Variants in OPRM1 observed in about 807,000 individuals in gnomAD.
OPRM1 encodes the protein mu-type opioid receptor.
Under a neutral mutation model 31.8 loss-of-function variants are expected in OPRM1, and 27 were observed. The ratio of observed to expected loss-of-function variants is 0.85; its 90% CI spans 0.63 to 1.17. The LOEUF (loss-of-function observed/expected upper bound fraction) is 1.17, where lower values mean the gene tolerates loss of function less well. Ranked by LOEUF, OPRM1 falls within the 50% of genes most tolerant of loss-of-function variation. The pLI, the probability that OPRM1 is intolerant of heterozygous loss-of-function variation, is 0.00. For synonymous variants in OPRM1, 196 were observed against 189.9 expected (o/e 1.03, Z -0.26); for missense variants, 536 against 511.1 (o/e 1.05, Z -0.47).
exon 4 of OPRM1, chr6:154,246,742 C>T (rs751364357): frequency 1.6e-5 from 26 of 1,613,736 alleles, no homozygotes; most frequent in East Asian, 2.2e-5. Flanking sequence ...TATCCTCCTC[C>T]GACTCATCGT....
intron 3 of OPRM1, among the ~76,000 whole-genome samples, chr6:154,163,933 G>A (rs1799223368): frequency 6.6e-6 from 1 of 152,198 alleles, no homozygotes; most frequent in Non-Finnish European, 1.5e-5. Context: ...CAGTAGGAAA[G>A]CAGAGGGATT....
chr6:154,015,943 A>G (rs2128377845), intron 1 of OPRM1, among the ~76,000 whole-genome samples: 1 of 152,212 alleles, frequency 6.6e-6, no homozygotes, highest in South Asian at 2.1e-4. Context: ...CACAAATCCA[A>G]GAGGTTGAAA....
chr6:154,177,297 TTAAAC>T (rs1800416484), intron 3 of OPRM1, among the ~76,000 whole-genome samples: 1 of 152,094 alleles, frequency 6.6e-6, no homozygotes, highest in South Asian at 2.1e-4. Context: ...CGGGATCTAA[TTAAAC>T]TAAGAAGCTT....
intron 3 of OPRM1, chr6:154,160,136 ATAAAAT>A (rs1279937413): frequency 2.2e-6 from 2 of 917,536 alleles, no homozygotes; most frequent in East Asian, 5.1e-5. Flanking sequence ...ACACATATAC[ATAAAAT>A]TACCAAAGCA....
chr6:154,233,008 A>T (rs1779843201), intron 3 of OPRM1, among the ~76,000 whole-genome samples: 1 of 143,916 alleles, frequency 6.9e-6, no homozygotes. Flanking sequence ...TATTCTTGTC[A>T]CCCAGGCTGG....
At chr6:154,080,192 G>A (rs1788778008) in intron 1 of OPRM1, among the ~76,000 whole-genome samples, 1 of 152,100 alleles carries the variant, frequency 6.6e-6, no homozygotes. Flanking sequence ...GATTTATCAG[G>A]AAAGTTTGTA....
chr6:154,085,384 T>G (rs1790294693), intron 1 of OPRM1, among the ~76,000 whole-genome samples: 1 of 152,160 alleles, frequency 6.6e-6, no homozygotes. Context: ...AGAACACAAT[T>G]TTTTTCAAAA....
At chr6:154,038,112 T>C (rs1355237075), upstream of OPRM1, among the ~76,000 whole-genome samples, 1 of 152,194 alleles carries the variant, frequency 6.6e-6, no homozygotes, top group Non-Finnish European at 1.5e-5. Flanking sequence ...AGTTTACCTA[T>C]GAGTTATCTG....
At chr6:154,025,121 G>C (rs1397334596) in intron 1 of OPRM1, among the ~76,000 whole-genome samples, 1 of 151,976 alleles carries the variant, frequency 6.6e-6, no homozygotes, top group Non-Finnish European at 1.5e-5. Flanking sequence ...GTTGGCTTTT[G>C]AAGTCTCCAG....
At chr6:154,153,741 G>A (rs1798608479) in intron 3 of OPRM1, among the ~76,000 whole-genome samples, 1 of 151,636 alleles carries the variant, frequency 6.6e-6, no homozygotes, top group African/African-American at 2.4e-5. Flanking sequence ...GGCACCAGGT[G>A]CAAGTTGCTG....
intron 3 of OPRM1, among the ~76,000 whole-genome samples, chr6:154,207,309 A>G (rs1777583454): frequency 1.3e-5 from 2 of 152,180 alleles, no homozygotes; most frequent in South Asian, 4.1e-4. Flanking sequence ...ATATTCAACC[A>G]TATGGCTTAC....
chr6:154,180,940 GA>G lies in OPRM1; in HGVS notation c.1165-65750del, dbSNP rs199954675. On this transcript the variant is annotated intron_variant, in intron 3 of 3. Transcript: ENST00000337049. ...CATATGCAATGTTCTAAGTGCCTGAGAAAGAAAAGACCGTGGAAGGCACTTG... is the reference window on the plus strand; with the variant it reads ...CATATGCAATGTTCTAAGTGCCTGAGAAGAAAAGACCGTGGAAGGCACTTG... Among the ~76,000 whole-genome samples the G allele has an allele frequency of 4.7e-3, 708 of 152,214 alleles. 15 individuals are homozygous for G. The highest frequency in any genetic ancestry group is 0.034 in the Admixed American group (527 of 15,290).
At chr6:154,175,491 T>C (rs1484447522) in intron 3 of OPRM1, among the ~76,000 whole-genome samples, 1 of 150,068 alleles carries the variant, frequency 6.7e-6, no homozygotes, top group African/African-American at 2.5e-5. Flanking sequence ...AAAGGGGATA[T>C]CACCACCAAT....
intron 3 of OPRM1, among the ~76,000 whole-genome samples, chr6:154,163,178 C>T (rs1799161858): frequency 6.6e-6 from 1 of 152,208 alleles, no homozygotes; most frequent in Non-Finnish European, 1.5e-5. Flanking sequence ...ATGAGATCCT[C>T]AATGGCTCGA....
intron 3 of OPRM1, among the ~76,000 whole-genome samples, chr6:154,145,000 A>T (rs79218947): frequency 0.043 from 6,546 of 152,150 alleles, 450 homozygotes; most frequent in African/African-American, 0.15. Flanking sequence ...AGATTTAAAA[A>T]ATATATATAC....
At position 154,119,700 on chromosome 6, in the gene OPRM1, C is replaced by T. The variant is rs545519987; in HGVS notation, c.*979C>T. ...CAGATGTTTTTGTTGATTGCCAGAA[C>T]AGTTTAAACTTTTTTTAAACAATAA... On this transcript the variant is annotated 3_prime_UTR_variant, in exon 4 of 4. Transcript: ENST00000330432. Among the ~76,000 whole-genome samples the T allele has an allele frequency of 6.6e-6, 1 of 152,280 alleles. No homozygotes were observed. The highest frequency in any genetic ancestry group is 6.5e-5 in the Admixed American group (1 of 15,282).
chr6:154,066,096 C>T (rs376926359), intron 1 of OPRM1, among the ~76,000 whole-genome samples: 41 of 152,258 alleles, frequency 2.7e-4, no homozygotes, highest in African/African-American at 9.6e-4. Context: ...GTTGAACCAT[C>T]CTTTCATTCC....
At chr6:154,223,347 G>C in intron 3 of OPRM1, 1 of 867,066 alleles carries the variant, frequency 1.2e-6, no homozygotes, top group Non-Finnish European at 1.9e-6. Context: ...TGACATGAGG[G>C]AGAATCAAGA....
intron 3 of OPRM1, among the ~76,000 whole-genome samples, chr6:154,191,593 G>C (rs574747985): frequency 6.6e-6 from 1 of 152,088 alleles, no homozygotes; most frequent in African/African-American, 2.4e-5. Flanking sequence ...AGAATCGCTT[G>C]AACCCAGGAG....
Sources: gnomAD v4.1 joint callset for allele counts (sites outside exome capture counted in the v4.1 genomes callset) on GRCh38, gnomAD v4.1.1 for gene constraint, MANE v1.5 for transcripts, NCBI Gene and HGNC (gene_info 2026-07-23, HGNC 2026-07-21) for gene names.